EIPR1: variants seen among roughly 807,000 people sequenced by gnomAD.
EIPR1 encodes the protein EARP and GARP complex-interacting protein 1.
EIPR1 carries 25 observed loss-of-function variants against 48.1 expected under a neutral mutation model. That is an observed-to-expected ratio of 0.52 (90% CI 0.38 to 0.73). The LOEUF (loss-of-function observed/expected upper bound fraction) is 0.73. Among genes scored for constraint, EIPR1 ranks in the 30% least tolerant of loss-of-function variants. The probability of loss-of-function intolerance (pLI) is 0.00; values close to 1 mark genes in which losing one functional copy is unlikely to be tolerated. For synonymous variants in EIPR1, 204 were observed against 201.9 expected, an observed-to-expected ratio of 1.01 and a Z score of -0.09; for missense variants, 415 against 506.2, an observed-to-expected ratio of 0.82 and a Z score of 1.73.
intron 6 of EIPR1, chr2:3,194,385 G>GT (rs1181527982): frequency 4.4e-6 from 2 of 456,880 alleles, no homozygotes; most frequent in Non-Finnish European, 7.8e-6. Flanking sequence ...CTCCAGAAGC[G>GT]TATCTGTGAC....
At chr2:3,219,099 C>G (rs1342136591) in intron 4 of EIPR1, among the ~76,000 whole-genome samples, 285 of 91,294 alleles carry the variant, frequency 3.1e-3, no homozygotes, top group Middle Eastern at 0.012. Flanking sequence ...TTCACAGTGA[C>G]TCAGGTGCAC....
At chr2:3,300,752 C>T (rs375147099) in intron 3 of EIPR1, 2 of 152,292 alleles carry the variant, frequency 1.3e-5, no homozygotes, top group Admixed American at 6.5e-5. Flanking sequence ...ATACAAATAC[C>T]TAATGGTCCA....
chr2:3,373,102 G>C (rs1206093872), intron 1 of EIPR1, among the ~76,000 whole-genome samples: 1 of 152,012 alleles, frequency 6.6e-6, no homozygotes, highest in Non-Finnish European at 1.5e-5. Context: ...ATGTAATCCA[G>C]CATATAAACA....
chr2:3,339,783 T>C (rs1338837189), intron 2 of EIPR1, among the ~76,000 whole-genome samples: 1 of 152,170 alleles, frequency 6.6e-6, no homozygotes, highest in Non-Finnish European at 1.5e-5. Flanking sequence ...ACCCCGTCTC[T>C]ACTAAAAATA....
At chr2:3,365,161 G>C (rs952624663) in intron 1 of EIPR1, among the ~76,000 whole-genome samples, 1 of 151,680 alleles carries the variant, frequency 6.6e-6, no homozygotes, top group Non-Finnish European at 1.5e-5. Flanking sequence ...AAAGAAGCTG[G>C]GTGTGGTGGC....
intron 4 of EIPR1, among the ~76,000 whole-genome samples, chr2:3,246,821 G>GAGGA (rs1363486928): frequency 6.8e-4 from 23 of 33,600 alleles, no homozygotes; most frequent in East Asian, 2.6e-3. Context: ...GGGAGGGAGG[G>GAGGA]AGGAAGGGAG....
At chr2:3,229,560 T>C (rs2103163839) in intron 4 of EIPR1, among the ~76,000 whole-genome samples, 1 of 152,358 alleles carries the variant, frequency 6.6e-6, no homozygotes, top group African/African-American at 2.4e-5. Flanking sequence ...GCTGTGTCTT[T>C]TCTTACATTT....
chr2:3,253,796 T>A (rs560869494), intron 4 of EIPR1, among the ~76,000 whole-genome samples: 76 of 152,250 alleles, frequency 5.0e-4, no homozygotes, highest in Non-Finnish European at 9.1e-4. Flanking sequence ...GTTGGAGTGC[T>A]GAGACAGACA....
intron 4 of EIPR1, among the ~76,000 whole-genome samples, chr2:3,246,500 T>C (rs1666797618): frequency 6.6e-6 from 1 of 152,102 alleles, no homozygotes; most frequent in Non-Finnish European, 1.5e-5. Context: ...TCCCAGGTAA[T>C]GCTAAATGCT....
chr2:3,348,380 AAG>A (rs1340371511), intron 2 of EIPR1, among the ~76,000 whole-genome samples: 2 of 152,154 alleles, frequency 1.3e-5, no homozygotes, highest in Non-Finnish European at 2.9e-5. Flanking sequence ...CTACATGAGA[AAG>A]AGGGGGGCAC....
chr2:3,254,889 G>C lies in EIPR1; in HGVS notation c.416+2410C>G, dbSNP rs529886702. 7.2e-5 allele frequency among the ~76,000 whole-genome samples: 11 copies of C among 152,326 alleles called. No homozygotes were observed. In the South Asian group the frequency reaches 2.3e-3, roughly 32 times the overall value. Reference sequence around the variant, plus strand: ...GGAATCTGTGTAAGTTCAGTGGGCTGTATCAATGCCAGTTTCCTGTTTGTG... The same window carrying C: ...GGAATCTGTGTAAGTTCAGTGGGCTCTATCAATGCCAGTTTCCTGTTTGTG... On this transcript the variant is annotated intron_variant, in intron 4 of 8. Coordinates refer to ENST00000382125, the MANE Select transcript of EIPR1 (RefSeq NM_003310.5).
intron 3 of EIPR1, among the ~76,000 whole-genome samples, chr2:3,267,194 A>C (rs956659078): frequency 9.2e-5 from 14 of 152,348 alleles, no homozygotes; most frequent in African/African-American, 3.1e-4. Context: ...GTGTGTTGGA[A>C]TAGGCAGACC....
In EIPR1 at chr2:3,331,154, T is replaced by C. The variant is rs149975439; in HGVS notation, c.259+6863A>G. On this transcript the variant is annotated intron_variant, in intron 3 of 8. Transcript: ENST00000382125. ...GCAGAAGCAGGCGTGTGCACACTCA[T>C]GAGATGGTGTGAGCAGAGGCAGGTG... is the stretch of plus-strand genomic sequence containing the variant. Among the ~76,000 whole-genome samples, 554 of 113,098 alleles carry C rather than the reference T, an allele frequency of 4.9e-3. 57 individuals are homozygous for C. Among genetic ancestry groups the C allele is most frequent in the Non-Finnish European group, 6.9e-3 (345 of 49,654 alleles). The allele number at this position is 113,098 out of a possible 152,430, so 74.2% of individuals were successfully genotyped here. A position where few individuals can be genotyped will look rare whatever the true frequency, so the allele number is the denominator to read the frequency against.
intron 3 of EIPR1, among the ~76,000 whole-genome samples, chr2:3,335,531 G>A (rs1670016874): frequency 6.6e-6 from 1 of 152,116 alleles, no homozygotes; most frequent in Non-Finnish European, 1.5e-5. Flanking sequence ...GTTATACGAT[G>A]GTGGAGTAAC....
chr2:3,261,516 G>A (rs1667334856), intron 3 of EIPR1, among the ~76,000 whole-genome samples: 1 of 152,128 alleles, frequency 6.6e-6, no homozygotes, highest in Non-Finnish European at 1.5e-5. Flanking sequence ...GATTACCCTA[G>A]TCTGTACCCA....
intron 3 of EIPR1, among the ~76,000 whole-genome samples, chr2:3,311,418 G>C (rs1411587030): frequency 6.6e-6 from 1 of 152,070 alleles, no homozygotes; most frequent in Non-Finnish European, 1.5e-5. Flanking sequence ...TTTTATGGGG[G>C]TGAGGGGGCA....
chr2:3,297,807 C>T (rs1387531092), intron 3 of EIPR1, among the ~76,000 whole-genome samples: 1 of 152,146 alleles, frequency 6.6e-6, no homozygotes, highest in East Asian at 1.9e-4. Flanking sequence ...CCATGAAAAG[C>T]TTTGTCTTGC....
intron 3 of EIPR1, among the ~76,000 whole-genome samples, chr2:3,258,050 A>C (rs1291763859): frequency 1.3e-5 from 2 of 152,220 alleles, no homozygotes; most frequent in Non-Finnish European, 2.9e-5. Flanking sequence ...CAGCCTGGTC[A>C]TGTCACCATC....
intron 2 of EIPR1, among the ~76,000 whole-genome samples, chr2:3,351,350 T>A (rs1015840717): frequency 2.0e-5 from 3 of 152,226 alleles, no homozygotes; most frequent in Non-Finnish European, 2.9e-5. Context: ...GGTTCTTCAT[T>A]AATGTCATTA....
Sources: gnomAD v4.1 joint callset for allele counts (sites outside exome capture counted in the v4.1 genomes callset) on GRCh38, gnomAD v4.1.1 for gene constraint, MANE v1.5 for transcripts, NCBI Gene and HGNC (gene_info 2026-07-23, HGNC 2026-07-21) for gene names.